Variants in IGF2BP3 observed in about 807,000 individuals in gnomAD.
IGF2BP3 encodes the protein insulin like growth factor 2 mRNA binding protein 3.
Under a neutral mutation model 73.8 loss-of-function variants are expected in IGF2BP3, and 9 were observed. The ratio of observed to expected loss-of-function variants is 0.12; its 90% CI spans 0.07 to 0.21. The LOEUF is 0.21. IGF2BP3 is among the 10% of genes least tolerant of loss of function. The pLI, the probability that IGF2BP3 is intolerant of heterozygous loss-of-function variation, is 1.00. For synonymous variants in IGF2BP3, 258 were observed against 256.7 expected, an observed-to-expected ratio of 1.01 and a Z score of -0.05; for missense variants, 542 against 714.0, an observed-to-expected ratio of 0.76 and a Z score of 2.75.
intron 2 of IGF2BP3, among the ~76,000 whole-genome samples, chr7:23,447,243 C>T (rs1191132709): frequency 2.0e-5 from 3 of 151,992 alleles, no homozygotes; most frequent in South Asian, 2.1e-4. Context: ...CCATGGGAGA[C>T]ATCAGATAAA....
At chr7:23,347,032 A>G (rs1784845671) in intron 7 of IGF2BP3, among the ~76,000 whole-genome samples, 1 of 152,220 alleles carries the variant, frequency 6.6e-6, no homozygotes, top group South Asian at 2.1e-4. Flanking sequence ...AGGTCCCCAC[A>G]CTAACTCCAG....
chr7:23,407,181 T>TAAAAAAAA (rs77237856), intron 3 of IGF2BP3, among the ~76,000 whole-genome samples: 4 of 121,144 alleles, frequency 3.3e-5, no homozygotes, highest in Non-Finnish European at 5.3e-5. Flanking sequence ...ATGTAGTTAT[T>TAAAAAAAA]AAAAAAAAAA....
chr7:23,421,048 C>T (rs148418631), intron 2 of IGF2BP3, among the ~76,000 whole-genome samples: 3 of 152,280 alleles, frequency 2.0e-5, no homozygotes, highest in East Asian at 1.9e-4. Flanking sequence ...CTCGCTCTGT[C>T]GCCTATGCTG....
At chr7:23,367,238 C>T (rs1785402606) in intron 3 of IGF2BP3, among the ~76,000 whole-genome samples, 1 of 152,078 alleles carries the variant, frequency 6.6e-6, no homozygotes, top group Admixed American at 6.6e-5. Flanking sequence ...TCAGCCTTCC[C>T]AAATGCTGGG....
chr7:23,443,797 C>G (rs1335895437), intron 2 of IGF2BP3, among the ~76,000 whole-genome samples: 2 of 151,488 alleles, frequency 1.3e-5, no homozygotes, highest in Non-Finnish European at 2.9e-5. Flanking sequence ...ATCACGAGGT[C>G]AGGAGATTGA....
chr7:23,330,480 T>C (rs1784416599), intron 10 of IGF2BP3, among the ~76,000 whole-genome samples: 1 of 151,988 alleles, frequency 6.6e-6, no homozygotes, highest in Non-Finnish European at 1.5e-5. Context: ...TTGGTATGAC[T>C]TCCTGTGAGT....
At chr7:23,312,706 T>A (rs754908550) in intron 14 of IGF2BP3, 29 bp downstream of exon 14, 3 of 1,456,636 alleles carry the variant, frequency 2.1e-6, no homozygotes, top group African/African-American at 1.4e-5. Context: ...GTGAGAAAGA[T>A]ACAATAGCTT....
At chr7:23,450,170 T>G (rs1385346914) in intron 2 of IGF2BP3, among the ~76,000 whole-genome samples, 1 of 152,146 alleles carries the variant, frequency 6.6e-6, no homozygotes, top group Non-Finnish European at 1.5e-5. Context: ...TGTCCTAATC[T>G]CAATCCTTCA....
At chr7:23,371,089 T>C (rs1785528994) in intron 3 of IGF2BP3, among the ~76,000 whole-genome samples, 1 of 151,912 alleles carries the variant, frequency 6.6e-6, no homozygotes, top group African/African-American at 2.4e-5. Flanking sequence ...CACAGTGAGA[T>C]TAAAGTATTA....
At chr7:23,354,506 C>G (rs1428184289) in intron 5 of IGF2BP3, among the ~76,000 whole-genome samples, 1 of 152,108 alleles carries the variant, frequency 6.6e-6, no homozygotes, top group Non-Finnish European at 1.5e-5. Context: ...GTAGATAACT[C>G]TCTTCTTGAG....
At chr7:23,416,916 G>A (rs274020) in intron 3 of IGF2BP3, among the ~76,000 whole-genome samples, 54,105 of 151,988 alleles carry the variant, frequency 0.36, 10,738 homozygotes, top group African/African-American at 0.54. Context: ...TTAGCCAGGC[G>A]TGGTTGGCGG....
At chr7:23,319,336 C>G in intron 10 of IGF2BP3, 82 bp from the exon 11 acceptor site, 3 of 840,844 alleles carry the variant, frequency 3.6e-6, no homozygotes, top group Non-Finnish European at 5.8e-6. Flanking sequence ...GGAAGGACAC[C>G]TTCTCATGCA....
rs1393681002 is a variant in IGF2BP3, at chr7:23,470,054, T to G, written c.57A>C (p.Glu19Asp). 1 of 1,611,466 alleles carries G rather than the reference T, an allele frequency of 6.2e-7. No homozygotes were observed. Among genetic ancestry groups the G allele is most frequent in the East Asian group, 2.2e-5 (1 of 44,784 alleles). The change falls in exon 1 of 15, where the codon GAA becomes GAC. Residue 19 changes from glutamate to aspartate, a missense_variant. This residue lies in a region of IGF2BP3 where 239 missense variants were observed against 241.9 expected (regional missense o/e 0.99). Coordinates refer to ENST00000258729, the MANE Select transcript of IGF2BP3 (RefSeq NM_006547.3). ...GGATCTTGGCGTCCTTGAAGATACT[T>G]TCTAGGTCCGAGGGGGCGGCGTTCT... is the stretch of plus-strand genomic sequence containing the variant. ...LSENAAPSDL[E>D]SIFKDAKIPV...
intron 2 of IGF2BP3, among the ~76,000 whole-genome samples, chr7:23,425,978 C>CAA (rs140294159): frequency 2.0e-5 from 3 of 150,038 alleles, no homozygotes; most frequent in Non-Finnish European, 4.4e-5. Flanking sequence ...AAAAAACAAA[C>CAA]AAAAAAACCC....
intron 2 of IGF2BP3, among the ~76,000 whole-genome samples, chr7:23,444,194 C>T (rs531433414): frequency 3.2e-4 from 49 of 152,154 alleles, no homozygotes; most frequent in Non-Finnish European, 5.1e-4. Context: ...TTTCTTCTTT[C>T]CATCATAATT....
chr7:23,362,510 G>C (rs1785256107), intron 3 of IGF2BP3: 1 of 152,150 alleles, frequency 6.6e-6, no homozygotes, highest in Admixed American at 6.5e-5. Context: ...ACAATTTGAA[G>C]CTGTCTATGT....
At chr7:23,354,825 G>C (rs1222563250) in intron 5 of IGF2BP3, among the ~76,000 whole-genome samples, 1 of 152,174 alleles carries the variant, frequency 6.6e-6, no homozygotes, top group Non-Finnish European at 1.5e-5. Context: ...AGCCACTACT[G>C]TGTGTACCTG....
chr7:23,443,311 G>A (rs1164511297), intron 2 of IGF2BP3, among the ~76,000 whole-genome samples: 1 of 151,904 alleles, frequency 6.6e-6, no homozygotes, highest in Non-Finnish European at 1.5e-5. Flanking sequence ...TTTTAGTAGA[G>A]ACAGGGTTTC....
At chr7:23,432,630 A>C (rs1030833868) in intron 2 of IGF2BP3, among the ~76,000 whole-genome samples, 22 of 151,182 alleles carry the variant, frequency 1.5e-4, no homozygotes, top group African/African-American at 5.4e-4. Flanking sequence ...AATGTGCTTC[A>C]TTTTTTAATT....
Sources: allele counts gnomAD v4.1 joint callset (sites outside exome capture counted in the v4.1 genomes callset), GRCh38; gene constraint gnomAD v4.1.1; regional missense constraint gnomAD v4.1.1; transcripts MANE v1.5; gene names NCBI Gene and HGNC (gene_info 2026-07-23, HGNC 2026-07-21).